DNAH7: variants seen among roughly 807,000 people sequenced by gnomAD.
DNAH7 encodes the protein dynein axonemal heavy chain 7.
In DNAH7, 397 loss-of-function variants were observed where a neutral mutation model predicts 444.6. The observed-to-expected ratio is 0.89, with a 90% CI of 0.82 to 0.97. DNAH7 has a LOEUF of 0.97. Ranked by LOEUF, DNAH7 falls within the 50% of genes least tolerant of loss-of-function variation. The probability of loss-of-function intolerance (pLI) is 0.00; values close to 1 mark genes in which losing one functional copy is unlikely to be tolerated. For synonymous variants in DNAH7, 1,636 were observed against 1,624.4 expected, an observed-to-expected ratio of 1.01 and a Z score of -0.17; for missense variants, 4,902 against 4,800.8, an observed-to-expected ratio of 1.02 and a Z score of -0.62.
At chr2:195,806,659 C>A in intron 54 of DNAH7, 81 bp downstream of exon 54, 1 of 1,181,534 alleles carries the variant, frequency 8.5e-7, no homozygotes, top group Non-Finnish European at 1.2e-6. Flanking sequence ...CCCATGATTA[C>A]ATAAGGAAAC....
At chr2:196,059,992 G>A (rs1698046141) in intron 1 of DNAH7, among the ~76,000 whole-genome samples, 1 of 152,136 alleles carries the variant, frequency 6.6e-6, no homozygotes, top group Non-Finnish European at 1.5e-5. Flanking sequence ...GAGGTGGGCG[G>A]ATCACGAGGT....
chr2:195,766,276 C>T (rs904506357), intron 61 of DNAH7, among the ~76,000 whole-genome samples: 8 of 148,012 alleles, frequency 5.4e-5, no homozygotes, highest in Admixed American at 4.8e-4. Flanking sequence ...CTGGTTCAAG[C>T]GATCCGCCTG....
At chr2:195,867,267 C>T (rs1429217709) in intron 40 of DNAH7, among the ~76,000 whole-genome samples, 1 of 152,062 alleles carries the variant, frequency 6.6e-6, no homozygotes, top group Non-Finnish European at 1.5e-5. Flanking sequence ...TTCCTCCCTC[C>T]CCAACAAGGA....
Position 195,785,347 on chromosome 2 carries a change from TTTTAA to T in DNAH7, c.10878+1658_10878+1662del, listed in dbSNP as rs574474719. On this transcript the variant is annotated intron_variant, in intron 58 of 64. Transcript: ENST00000312428. The stretch of plus-strand genomic sequence containing the variant: ...TCAGTCTGTCTGTGTGTGTGTGTGT[TTTTAA>T]TTTAATTTAATTTATTTTTTTAAGA... Among the ~76,000 whole-genome samples the T allele has an allele frequency of 4.6e-3, 705 of 152,258 alleles. 4 individuals are homozygous for T. The highest frequency in any genetic ancestry group is 0.016 in the African/African-American group (659 of 41,556).
intron 5 of DNAH7, among the ~76,000 whole-genome samples, chr2:196,038,817 A>G (rs1317689288): frequency 6.6e-6 from 1 of 152,188 alleles, no homozygotes; most frequent in Non-Finnish European, 1.5e-5. Context: ...AAAAGGGATC[A>G]ATTCACCAAG....
chr2:195,867,185 C>T (rs1476929227), intron 40 of DNAH7, among the ~76,000 whole-genome samples: 2 of 152,148 alleles, frequency 1.3e-5, no homozygotes, highest in Non-Finnish European at 2.9e-5. Flanking sequence ...ATGTAACCAC[C>T]ACCAAGATCA....
intron 46 of DNAH7, among the ~76,000 whole-genome samples, chr2:195,846,866 C>G (rs1297411283): frequency 6.6e-6 from 1 of 151,858 alleles, no homozygotes; most frequent in Non-Finnish European, 1.5e-5. Flanking sequence ...CTCAGACTGG[C>G]TTTCTTGCTC....
chr2:195,909,993 T>A (rs1421460478), intron 25 of DNAH7, 34 bp downstream of exon 25: 1 of 1,583,808 alleles, frequency 6.3e-7, no homozygotes, highest in East Asian at 2.3e-5. Context: ...TGATCAGTTA[T>A]CCTGTTGTAA....
intron 46 of DNAH7, 57 bp downstream of exon 46, chr2:195,853,286 G>A (rs1198424186): frequency 1.1e-5 from 16 of 1,475,028 alleles, no homozygotes; most frequent in Non-Finnish European, 1.5e-5. Flanking sequence ...AACCTTGAAG[G>A]GTTATATTGG....
chr2:195,949,008 C>T (rs1690025102), intron 19 of DNAH7, among the ~76,000 whole-genome samples: 1 of 152,146 alleles, frequency 6.6e-6, no homozygotes, highest in South Asian at 2.1e-4. Context: ...AGGTCCTTCA[C>T]ATCCCTTGTA....
chr2:196,015,600 T>C (rs1419782114), intron 9 of DNAH7, among the ~76,000 whole-genome samples: 2 of 152,192 alleles, frequency 1.3e-5, no homozygotes, highest in Non-Finnish European at 2.9e-5. Flanking sequence ...TGACATTAAG[T>C]GGGTTCTGTA....
chr2:196,049,856 C>A (rs1345493500), intron 3 of DNAH7, among the ~76,000 whole-genome samples: 1 of 152,186 alleles, frequency 6.6e-6, no homozygotes, highest in Non-Finnish European at 1.5e-5. Flanking sequence ...TGTAAACTAA[C>A]AATCTGCAAC....
At chr2:196,028,389 G>A (rs1367097676) in intron 5 of DNAH7, among the ~76,000 whole-genome samples, 2 of 152,052 alleles carry the variant, frequency 1.3e-5, no homozygotes, top group African/African-American at 4.8e-5. Context: ...AATATGTATG[G>A]TTATTTATAG....
At position 195,810,108 on chromosome 2, in the gene DNAH7, T is replaced by C. The variant is rs1324102119; in HGVS notation, c.9762-237A>G. Among the ~76,000 whole-genome samples, 3 of 151,966 alleles carry C rather than the reference T, an allele frequency of 2.0e-5. No homozygotes were observed. In the East Asian group the frequency reaches 5.8e-4, roughly 29 times the overall value. ...TTTTTTTTAAAACTTAATCTTCCTC[T>C]TGGAAAAAAGTTAGTGGATGGTATA... On this transcript the variant is annotated intron_variant, in intron 51 of 64. Transcript: ENST00000312428.
At position 195,926,517 on chromosome 2, in the gene DNAH7, C is replaced by T; in HGVS notation, c.3521G>A (p.Trp1174Ter). 3 of 1,603,362 alleles carry T rather than the reference C, an allele frequency of 1.9e-6. No homozygotes were observed. The highest frequency in any genetic ancestry group is 2.6e-6 in the Non-Finnish European group (3 of 1,175,870). Reference protein sequence around the residue: ...FAYTKYERINWVRDWPGQTVL... With the variant: ...FAYTKYERIN ...AGTCTGTCCAGGCCAATCCCTTACC[C>T]AGTTAATTCGTTCATATTTTGTATA... The change falls in exon 22 of 65, where the codon TGG becomes TAG. Residue 1174 changes from tryptophan (W) to a stop codon, truncating the protein, a stop_gained. Coordinates refer to ENST00000312428, the MANE Select transcript of DNAH7 (RefSeq NM_018897.3). LOFTEE classifies it high-confidence loss of function.
chr2:196,050,574 T>C (rs1457742615), intron 3 of DNAH7, among the ~76,000 whole-genome samples: 1 of 152,060 alleles, frequency 6.6e-6, no homozygotes, highest in African/African-American at 2.4e-5. Context: ...CTTTCAGGAG[T>C]CACAAGACTG....
At chr2:195,976,747 C>CAGAGAAAGAGAGAGAG (rs1692215681) in intron 15 of DNAH7, among the ~76,000 whole-genome samples, 2 of 90,542 alleles carry the variant, frequency 2.2e-5, no homozygotes, top group Non-Finnish European at 4.8e-5. Context: ...GAGAGGCAGA[C>CAGAGAAAGAGAGAGAG]AGAGAGAGAG....
intron 51 of DNAH7, among the ~76,000 whole-genome samples, chr2:195,812,724 A>G (rs1697028648): frequency 6.6e-6 from 1 of 152,152 alleles, no homozygotes; most frequent in South Asian, 2.1e-4. Context: ...TTTTAGACCA[A>G]TATTAAGATT....
chr2:196,045,341 G>A (rs1208621147), intron 5 of DNAH7, among the ~76,000 whole-genome samples: 1 of 151,004 alleles, frequency 6.6e-6, no homozygotes, highest in East Asian at 1.9e-4. Context: ...AGGGAGGAAG[G>A]GAGGGAGGGA....
Sources: gnomAD v4.1 joint callset for allele counts (sites outside exome capture counted in the v4.1 genomes callset) on GRCh38, gnomAD v4.1.1 for gene constraint, MANE v1.5 for transcripts, NCBI Gene and HGNC (gene_info 2026-07-23, HGNC 2026-07-21) for gene names.